Variants in MYO5C observed in about 807,000 individuals in gnomAD.
MYO5C encodes the protein myosin VC.
A neutral mutation model predicts 235.7 loss-of-function variants in MYO5C; 194 were observed. The observed-to-expected ratio is 0.82, with a 90% CI of 0.73 to 0.93. MYO5C has a LOEUF of 0.93. MYO5C is among the 40% of genes least tolerant of loss of function. The pLI is 0.00. For missense variants in MYO5C, 2,038 were observed against 2,127.2 expected (o/e 0.96, Z 0.82); for synonymous variants, 707 against 754.8 (o/e 0.94, Z 1.04).
chr15:52,240,441 C>T (rs1483807440), intron 20 of MYO5C, among the ~76,000 whole-genome samples: 12 of 147,794 alleles, frequency 8.1e-5, no homozygotes, highest in East Asian at 2.0e-4. Context: ...TGTGGTGGCA[C>T]GTACCTGTAG....
chr15:52,282,638 G>C (rs900296162), intron 2 of MYO5C, 144 bp downstream of exon 2: 22 of 647,668 alleles, frequency 3.4e-5, no homozygotes, highest in Non-Finnish European at 5.9e-5. Flanking sequence ...CCCGGCACCA[G>C]GAGGCCATTT....
intron 19 of MYO5C, chr15:52,242,704 C>T (rs1302029884): frequency 6.6e-6 from 1 of 152,362 alleles, no homozygotes; most frequent in African/African-American, 2.4e-5. Flanking sequence ...GAAAGACTAA[C>T]AAATGGCCAA....
intron 1 of MYO5C, among the ~76,000 whole-genome samples, chr15:52,293,217 G>A (rs148361904): frequency 1.3e-5 from 2 of 152,106 alleles, no homozygotes; most frequent in African/African-American, 4.8e-5. Context: ...TGTTCCCACA[G>A]GGTGGCTTCC....
At chr15:52,267,987 A>T (rs572615332) in intron 8 of MYO5C, among the ~76,000 whole-genome samples, 1 of 152,196 alleles carries the variant, frequency 6.6e-6, no homozygotes, top group African/African-American at 2.4e-5. Context: ...TTTTCAGCAA[A>T]TGTAAGTCAG....
rs1555422098 is a variant in MYO5C at position 52,291,745 on chromosome 15, T to TTTGTTTTTG, written c.27+3864_27+3865insCAAAAACAA. Among the ~76,000 whole-genome samples, 8 of 103,712 alleles carry TTTGTTTTTG rather than the reference T, an allele frequency of 7.7e-5. 1 individual carries two copies. The highest frequency in any genetic ancestry group is 1.6e-4 in the Non-Finnish European group (8 of 48,504). The allele number at this position is 103,712 out of a possible 152,430, so 68.0% of individuals were successfully genotyped here. A position where few individuals can be genotyped will look rare whatever the true frequency, so the allele number is the denominator to read the frequency against. On this transcript the variant is annotated intron_variant, in intron 1 of 40. Coordinates refer to ENST00000261839, the MANE Select transcript of MYO5C (RefSeq NM_018728.4). ...GCATATTTTATGTTTTTTTTTTTTT[T>TTTGTTTTTG]TTTTTTTTTTTGAGACAGGGTCTCG...
chr15:52,196,908 C>T (rs2035065342), intron 38 of MYO5C, among the ~76,000 whole-genome samples: 1 of 152,190 alleles, frequency 6.6e-6, no homozygotes, highest in Admixed American at 6.5e-5. Flanking sequence ...ATTTCTGTCA[C>T]TAATTGCCAC....
At chr15:52,279,930 C>T (rs141345745) in intron 2 of MYO5C, among the ~76,000 whole-genome samples, 3 of 152,090 alleles carry the variant, frequency 2.0e-5, no homozygotes, top group East Asian at 1.9e-4. Context: ...CTCTCATCTG[C>T]GAAGAGGAGC....
intron 12 of MYO5C, among the ~76,000 whole-genome samples, chr15:52,252,521 A>G (rs1034866342): frequency 6.6e-5 from 10 of 152,016 alleles, no homozygotes; most frequent in Non-Finnish European, 1.3e-4. Flanking sequence ...CATGCCTGTA[A>G]TCCCAGCACT....
chr15:52,232,688 G>A lies in MYO5C; in HGVS notation c.2963-3C>T, dbSNP rs1429406032. ...CTTGGTGAGGTTGTCCATTTTTTCT[G>A]TAAAAAGAGAATGCTTTTTGAGATA... On this transcript the variant is annotated splice_region_variant and splice_polypyrimidine_tract_variant and intron_variant, in intron 23 of 40. Coordinates refer to ENST00000261839, the MANE Select transcript of MYO5C (RefSeq NM_018728.4). The A allele has an allele frequency of 6.8e-6, 11 of 1,613,318 alleles. No homozygotes were observed. The highest frequency in any genetic ancestry group is 8.5e-6 in the Non-Finnish European group (10 of 1,179,658).
At chr15:52,197,734 C>T (rs1307449661) in intron 38 of MYO5C, among the ~76,000 whole-genome samples, 2 of 152,142 alleles carry the variant, frequency 1.3e-5, no homozygotes, top group East Asian at 3.9e-4. Flanking sequence ...CTCTCAGGTT[C>T]AAGCGATTCT....
chr15:52,290,748 G>A (rs2037371519), intron 1 of MYO5C, among the ~76,000 whole-genome samples: 1 of 152,078 alleles, frequency 6.6e-6, no homozygotes, highest in African/African-American at 2.4e-5. Context: ...ACAAGCAGAT[G>A]AAATGATTGA....
intron 25 of MYO5C, 118 bp from the exon 26 acceptor site, chr15:52,225,650 T>A: frequency 2.8e-6 from 2 of 717,866 alleles, no homozygotes; most frequent in Non-Finnish European, 2.5e-6. Flanking sequence ...CACTGCAGTT[T>A]CTTTCTTAGC....
At chr15:52,267,512 C>T (rs1009540784) in intron 8 of MYO5C, among the ~76,000 whole-genome samples, 7 of 152,086 alleles carry the variant, frequency 4.6e-5, no homozygotes, top group African/African-American at 1.7e-4. Flanking sequence ...ATGGTGAAAC[C>T]CCATCTCTAC....
intron 10 of MYO5C, among the ~76,000 whole-genome samples, chr15:52,260,439 C>T (rs1374105844): frequency 1.3e-5 from 2 of 152,186 alleles, no homozygotes; most frequent in Non-Finnish European, 2.9e-5. Context: ...ACCTCAGGGG[C>T]CTTTGGTGGG....
At position 52,247,677 on chromosome 15, in the gene MYO5C, A is replaced by G. The variant is rs529832847; in HGVS notation, c.1747-85T>C. The G allele has an allele frequency of 4.1e-5, 59 of 1,445,902 alleles. No individual in the cohort carries two copies. The South Asian group carries it at 7.6e-4, about 19-fold the overall frequency. The allele number at this position is 1,445,902 out of a possible 1,614,324, so 89.6% of individuals were successfully genotyped here. A position where few individuals can be genotyped will look rare whatever the true frequency, so the allele number is the denominator to read the frequency against. ...ACAAGCCACGTAAATGGTGACAACA[A>G]CTCAGCTAAACTAGTGGGCGGTGAA... On this transcript the variant is annotated intron_variant, in intron 14 of 40. Transcript: ENST00000261839.
intron 11 of MYO5C, among the ~76,000 whole-genome samples, chr15:52,253,926 CCAGAGGA>C (rs2036527938): frequency 6.6e-6 from 1 of 150,958 alleles, no homozygotes; most frequent in South Asian, 2.1e-4. Context: ...GGGAGGCTTC[CCAGAGGA>C]TGTACTCAGG....
chr15:52,271,620 C>T, intron 7 of MYO5C, 143 bp downstream of exon 7: 1 of 480,126 alleles, frequency 2.1e-6, no homozygotes. Flanking sequence ...TAATTAGATG[C>T]ACCAATTCTG....
chr15:52,282,692 C>A (rs1270644147), intron 2 of MYO5C, 90 bp downstream of exon 2: 1 of 924,442 alleles, frequency 1.1e-6, no homozygotes, highest in African/African-American at 1.6e-5. Context: ...CCCTGGGTGC[C>A]TCCCACGGGG....
intron 1 of MYO5C, among the ~76,000 whole-genome samples, chr15:52,291,737 T>G (rs1420788793): frequency 2.7e-5 from 2 of 74,558 alleles, no homozygotes; most frequent in South Asian, 9.3e-4. Context: ...TTATGTTTTT[T>G]TTTTTTTTTT....
Sources: allele counts gnomAD v4.1 joint callset (sites outside exome capture counted in the v4.1 genomes callset), GRCh38; gene constraint gnomAD v4.1.1; transcripts MANE v1.5; gene names NCBI Gene and HGNC (gene_info 2026-07-23, HGNC 2026-07-21).